Variants in PRSS23 observed in about 807,000 individuals in gnomAD.
PRSS23 encodes serine protease 23.
In PRSS23, 25 loss-of-function variants were observed where a neutral mutation model predicts 34.7. The observed-to-expected ratio is 0.72, with a 90% CI of 0.53 to 1.01. PRSS23 has a LOEUF of 1.01. PRSS23 is among the 50% of genes least tolerant of loss of function. The probability of loss-of-function intolerance (pLI) is 0.00; values close to 1 mark genes in which losing one functional copy is unlikely to be tolerated. For missense variants in PRSS23, 445 were observed against 475.6 expected (o/e 0.94, Z 0.60); for synonymous variants, 176 against 186.6 (o/e 0.94, Z 0.46).
intron 2 of PRSS23, among the ~76,000 whole-genome samples, chr11:86,939,763 CTT>C (rs759084279): frequency 1.2e-4 from 8 of 69,014 alleles, no homozygotes; most frequent in Admixed American, 3.4e-4. Flanking sequence ...TTGTTTCTTT[CTT>C]TTTTTTTTTT....
At chr11:86,829,420 T>C (rs1198604483) in intron 2 of PRSS23, among the ~76,000 whole-genome samples, 3 of 152,218 alleles carry the variant, frequency 2.0e-5, no homozygotes, top group African/African-American at 7.2e-5. Flanking sequence ...AGTTTTCAAC[T>C]TCTTTGCCTT....
intron 2 of PRSS23, among the ~76,000 whole-genome samples, chr11:86,883,923 C>T (rs1213294802): frequency 1.3e-5 from 2 of 151,156 alleles, no homozygotes; most frequent in Non-Finnish European, 1.5e-5. Flanking sequence ...AATTTAGCAG[C>T]CCAAAATCGA....
At chr11:86,806,365 G>C (rs1258671912) in intron 1 of PRSS23, among the ~76,000 whole-genome samples, 1 of 152,164 alleles carries the variant, frequency 6.6e-6, no homozygotes, top group Non-Finnish European at 1.5e-5. Flanking sequence ...TGAAACATCA[G>C]GTGATGCCTG....
chr11:86,920,608 T>G (rs1364808408), intron 2 of PRSS23, among the ~76,000 whole-genome samples: 3 of 151,972 alleles, frequency 2.0e-5, no homozygotes, highest in Non-Finnish European at 4.4e-5. Context: ...CAGAGGAGAC[T>G]CTTCAGGAAG....
intron 2 of PRSS23, among the ~76,000 whole-genome samples, chr11:86,860,963 A>C (rs1948608987): frequency 1.3e-5 from 2 of 151,486 alleles, no homozygotes; most frequent in Non-Finnish European, 2.9e-5. Flanking sequence ...AGAAGGGGGA[A>C]GTACACCCTC....
At chr11:86,871,751 T>C (rs1303176346) in intron 2 of PRSS23, among the ~76,000 whole-genome samples, 3 of 152,114 alleles carry the variant, frequency 2.0e-5, no homozygotes, top group East Asian at 1.9e-4. Context: ...TAACTCTACA[T>C]TGGGAGATAT....
intron 2 of PRSS23, among the ~76,000 whole-genome samples, chr11:86,885,545 C>T (rs2134965659): frequency 6.6e-6 from 1 of 152,350 alleles, no homozygotes; most frequent in African/African-American, 2.4e-5. Context: ...GTGTGGGCTT[C>T]ATCCAGTCAG....
chr11:86,803,697 C>T (rs1013822952), intron 1 of PRSS23, among the ~76,000 whole-genome samples: 6 of 152,104 alleles, frequency 3.9e-5, no homozygotes, highest in Admixed American at 3.3e-4. Context: ...AGCATACACA[C>T]ACAGCCATCC....
intron 2 of PRSS23, among the ~76,000 whole-genome samples, chr11:86,890,234 C>T (rs1445020424): frequency 6.6e-6 from 1 of 151,708 alleles, no homozygotes; most frequent in Non-Finnish European, 1.5e-5. Flanking sequence ...CATGCCACTG[C>T]ACTCCAGCCT....
intron 2 of PRSS23, among the ~76,000 whole-genome samples, chr11:86,944,167 G>A (rs1037602983): frequency 2.0e-5 from 3 of 151,902 alleles, no homozygotes; most frequent in African/African-American, 7.3e-5. Context: ...GCAATCCTTG[G>A]TGTTTCTTGC....
At chr11:86,816,307 T>A (rs1948214915) in intron 1 of PRSS23, among the ~76,000 whole-genome samples, 1 of 152,232 alleles carries the variant, frequency 6.6e-6, no homozygotes, top group South Asian at 2.1e-4. Context: ...ATGACTGAGA[T>A]ACATCCCTGT....
chr11:86,853,538 A>G (rs907012308), intron 2 of PRSS23, among the ~76,000 whole-genome samples: 4 of 152,088 alleles, frequency 2.6e-5, no homozygotes, highest in African/African-American at 9.7e-5. Context: ...TACAGGTGTG[A>G]GCCACTGCGC....
chr11:86,951,261 T>C, exon 3 of PRSS23: 3 of 1,614,242 alleles, frequency 1.9e-6, no homozygotes, highest in Non-Finnish European at 2.5e-6. Context: ...TGAAGAGTTT[T>C]GGCAGACCAA....
intron 2 of PRSS23, among the ~76,000 whole-genome samples, chr11:86,866,310 G>A (rs956698248): frequency 3.3e-5 from 5 of 152,120 alleles, no homozygotes; most frequent in Admixed American, 2.0e-4. Flanking sequence ...TGATACAACC[G>A]TAATGCTCTG....
At chr11:86,856,893 C>T (rs1948575239) in intron 2 of PRSS23, among the ~76,000 whole-genome samples, 1 of 152,132 alleles carries the variant, frequency 6.6e-6, no homozygotes, top group African/African-American at 2.4e-5. Flanking sequence ...AGAATACTCA[C>T]CCATTCCAGT....
Position 86,808,743 on chromosome 11 carries a change from C to T in PRSS23, c.1100C>T (p.Ala367Val), listed in dbSNP as rs550172031. The T allele has an allele frequency of 6.2e-6, 10 of 1,613,870 alleles. No homozygotes were observed. The African/African-American group carries it at 8.0e-5, about 13-fold the overall frequency. The change falls in exon 2 of 2, where the codon GCC becomes GTC. Residue 367 changes from alanine to valine, a missense_variant. Physicochemically the swap from Ala to Val is moderately conservative, Grantham distance 64 (BLOSUM62 0). Transcript: ENST00000280258. ...VAVRITPLKY[A>V]QICYWIKGNY... The stretch of plus-strand genomic sequence containing the variant: ...GTCAGAATCACTCCTCTCAAATATG[C>T]CCAGATTTGCTATTGGATTAAAGGA...
intron 2 of PRSS23, chr11:86,922,052 T>A (rs60068295): frequency 6.4e-4 from 97 of 152,324 alleles, no homozygotes; most frequent in African/African-American, 2.2e-3. Flanking sequence ...AATATCCTCA[T>A]CTTTCCTTTG....
intron 2 of PRSS23, among the ~76,000 whole-genome samples, chr11:86,866,714 T>C (rs1948651809): frequency 6.6e-6 from 1 of 152,206 alleles, no homozygotes; most frequent in Non-Finnish European, 1.5e-5. Flanking sequence ...ATTTGGGTCA[T>C]GGAGTAGAAT....
intron 2 of PRSS23, among the ~76,000 whole-genome samples, chr11:86,889,653 G>A (rs1226630683): frequency 6.6e-6 from 1 of 152,156 alleles, no homozygotes; most frequent in African/African-American, 2.4e-5. Flanking sequence ...GTTGCATTGT[G>A]GATTATGGTT....
Sources: gnomAD v4.1 joint callset for allele counts (sites outside exome capture counted in the v4.1 genomes callset) on GRCh38, gnomAD v4.1.1 for gene constraint, MANE v1.5 for transcripts, NCBI Gene and HGNC (gene_info 2026-07-23, HGNC 2026-07-21) for gene names.